Variants in C1orf185 observed in about 807,000 individuals in gnomAD.
C1orf185 encodes chromosome 1 open reading frame 185, also known as uncharacterized protein C1orf185.
Under a neutral mutation model 16.1 loss-of-function variants are expected in C1orf185, and 13 were observed. The observed-to-expected ratio is 0.81, with a 90% confidence interval of 0.53 to 1.28. C1orf185 has a LOEUF of 1.28. Ranked by LOEUF, C1orf185 falls within the 50% of genes most tolerant of loss-of-function variation. C1orf185 has a pLI of 0.00. For synonymous variants in C1orf185, 80 were observed against 76.9 expected, an observed-to-expected ratio of 1.04 and a Z score of -0.21; for missense variants, 220 against 225.2, an observed-to-expected ratio of 0.98 and a Z score of 0.15.
chr1:51,149,286 A>C (rs1646419034), downstream of C1orf185, among the ~76,000 whole-genome samples: 1 of 152,206 alleles, frequency 6.6e-6, no homozygotes. Context: ...CATACCTCCT[A>C]CAATAAATGC....
At chr1:51,131,418 T>G (rs988078155) in intron 3 of C1orf185, among the ~76,000 whole-genome samples, 1 of 152,234 alleles carries the variant, frequency 6.6e-6, no homozygotes, top group Non-Finnish European at 1.5e-5. Context: ...CTACTGTAGA[T>G]GTCTTCTCTC....
intron 3 of C1orf185, among the ~76,000 whole-genome samples, chr1:51,132,308 G>A (rs959030316): frequency 2.6e-5 from 4 of 152,134 alleles, no homozygotes; most frequent in African/African-American, 4.8e-5. Flanking sequence ...AGCTCCAGAA[G>A]TGCATTGAAA....
Position 51,147,548 on chromosome 1 carries a change from C to G in C1orf185, c.377C>G (p.Thr126Arg), listed in dbSNP as rs1476530457. 10 of 1,551,554 alleles carry G rather than the reference C, an allele frequency of 6.4e-6. No homozygotes were observed. The highest frequency in any genetic ancestry group is 7.8e-6 in the Non-Finnish European group (9 of 1,146,904). ...GATCCCTCAGAGACCAGCTCCACAA[C>G]AAATCGCAGCAGTGTTACATTAAGC... is the stretch of plus-strand genomic sequence containing the variant. ...ICDPSETSSTTNRSSVTLSLS... is the reference protein window; with the variant it reads ...ICDPSETSSTRNRSSVTLSLS... Residue 126 changes from threonine (T) to arginine (R), a missense_variant, in exon 5 of 5, where the codon ACA becomes AGA. Coordinates refer to ENST00000371759, the MANE Select transcript of C1orf185 (RefSeq NM_001136508.2).
At chr1:51,143,030 C>G (rs1646375947) in intron 3 of C1orf185, among the ~76,000 whole-genome samples, 1 of 152,178 alleles carries the variant, frequency 6.6e-6, no homozygotes, top group African/African-American at 2.4e-5. Flanking sequence ...TCCCAAAGTA[C>G]TAGGATTACA....
intron 1 of C1orf185, chr1:51,107,399 A>G (rs1230999888): frequency 2.6e-5 from 4 of 152,252 alleles, no homozygotes; most frequent in Non-Finnish European, 5.9e-5. Context: ...TTCTATCCAC[A>G]GTGCCATCCA....
chr1:51,106,523 C>T (rs1402686604), intron 1 of C1orf185, among the ~76,000 whole-genome samples: 1 of 152,000 alleles, frequency 6.6e-6, no homozygotes, highest in East Asian at 1.9e-4. Flanking sequence ...GCCTGTAGTC[C>T]TAGTTACTTG....
chr1:51,125,060 T>C (rs1479524720), intron 3 of C1orf185, among the ~76,000 whole-genome samples: 1 of 152,192 alleles, frequency 6.6e-6, no homozygotes, highest in African/African-American at 2.4e-5. Context: ...CTGGATACCT[T>C]ACCCAAAGGG....
At chr1:51,116,826 T>C (rs1259990255) in intron 2 of C1orf185, among the ~76,000 whole-genome samples, 3 of 152,072 alleles carry the variant, frequency 2.0e-5, no homozygotes, top group Non-Finnish European at 2.9e-5. Flanking sequence ...TGTCTAGATA[T>C]ACTTACTTTC....
At chr1:51,114,083 A>C (rs1646141467) in intron 2 of C1orf185, among the ~76,000 whole-genome samples, 1 of 152,228 alleles carries the variant, frequency 6.6e-6, no homozygotes, top group Non-Finnish European at 1.5e-5. Context: ...ACTTTGTGCA[A>C]GAGCTGTCTA....
chr1:51,103,050 T>C (rs1646042808), intron 1 of C1orf185, among the ~76,000 whole-genome samples: 1 of 152,124 alleles, frequency 6.6e-6, no homozygotes, highest in African/African-American at 2.4e-5. Flanking sequence ...AAGTTATTAA[T>C]GTAGAGATTA....
At chr1:51,135,626 TTAA>T (rs1390936077) in intron 3 of C1orf185, among the ~76,000 whole-genome samples, 1 of 152,212 alleles carries the variant, frequency 6.6e-6, no homozygotes, top group Non-Finnish European at 1.5e-5. Flanking sequence ...TTAAGAATTC[TTAA>T]TAAACTAGGT....
chr1:51,104,936 C>G (rs760982695), intron 1 of C1orf185, among the ~76,000 whole-genome samples: 1 of 151,928 alleles, frequency 6.6e-6, no homozygotes, highest in Admixed American at 6.6e-5. Context: ...ATTGTATGCT[C>G]CATAATCGTG....
chr1:51,110,030 C>T (rs1041448707), intron 1 of C1orf185, among the ~76,000 whole-genome samples: 59 of 152,220 alleles, frequency 3.9e-4, no homozygotes, highest in African/African-American at 1.3e-3. Context: ...AAATAAAAAT[C>T]TAAAGATATT....
chr1:51,121,243 C>G (rs561427319), intron 3 of C1orf185, among the ~76,000 whole-genome samples: 3 of 152,048 alleles, frequency 2.0e-5, no homozygotes, highest in Middle Eastern at 6.8e-3. Context: ...ATCCTTTGAC[C>G]AACATCTCCT....
chr1:51,127,079 C>T (rs1646247073), intron 3 of C1orf185, among the ~76,000 whole-genome samples: 1 of 151,870 alleles, frequency 6.6e-6, no homozygotes, highest in South Asian at 2.1e-4. Context: ...TTTATTGATA[C>T]AATTTTTAAA....
chr1:51,104,033 T>C (rs1217493946), intron 1 of C1orf185, among the ~76,000 whole-genome samples: 2 of 152,212 alleles, frequency 1.3e-5, no homozygotes, highest in Non-Finnish European at 2.9e-5. Context: ...ATGGTCCACT[T>C]TACATACTGG....
downstream of C1orf185, among the ~76,000 whole-genome samples, chr1:51,149,436 C>T (rs990111593): frequency 6.6e-6 from 1 of 152,192 alleles, no homozygotes; most frequent in African/African-American, 2.4e-5. Flanking sequence ...TGGGTTCTAG[C>T]ACATCTATTG....
chr1:51,146,339 A>G (rs1464766041), intron 4 of C1orf185, among the ~76,000 whole-genome samples: 1 of 151,756 alleles, frequency 6.6e-6, no homozygotes, highest in Non-Finnish European at 1.5e-5. Context: ...CAGGCCTGTA[A>G]TCCCAGCTAC....
downstream of C1orf185, among the ~76,000 whole-genome samples, chr1:51,151,973 G>A (rs1238498421): frequency 6.6e-6 from 1 of 152,180 alleles, no homozygotes; most frequent in African/African-American, 2.4e-5. Flanking sequence ...ACAGGTGTGA[G>A]CCACCGTGCT....
Sources: allele counts gnomAD v4.1 joint callset (sites outside exome capture counted in the v4.1 genomes callset), GRCh38; gene constraint gnomAD v4.1.1; transcripts MANE v1.5; gene names NCBI Gene and HGNC (gene_info 2026-07-23, HGNC 2026-07-21).